Variants in CDH7 observed in about 807,000 individuals in gnomAD.
CDH7 encodes the protein cadherin-7.
In CDH7, 25 loss-of-function variants were observed where a neutral mutation model predicts 71.8. The observed-to-expected ratio is 0.35, with a 90% CI of 0.25 to 0.49. The LOEUF is 0.49. Ranked by LOEUF, CDH7 falls within the 20% of genes least tolerant of loss-of-function variation. The pLI, the probability that CDH7 is intolerant of heterozygous loss-of-function variation, is 0.99. For missense variants in CDH7, 862 were observed against 974.6 expected (o/e 0.88, Z 1.54); for synonymous variants, 381 against 363.8 (o/e 1.05, Z -0.54).
chr18:65,798,308 TTTGACAGCCTTTGCTTCAG>T (rs762391276), intron 2 of CDH7, among the ~76,000 whole-genome samples: 108 of 152,358 alleles, frequency 7.1e-4, no homozygotes, highest in Non-Finnish European at 1.4e-3. Context: ...AATTTTGCCA[TTTGACAGCCTTTGCTTCAG>T]TGGCTTCTTC....
At chr18:65,856,242 T>C (rs932379432) in intron 7 of CDH7, among the ~76,000 whole-genome samples, 3 of 152,142 alleles carry the variant, frequency 2.0e-5, no homozygotes, top group Non-Finnish European at 4.4e-5. Flanking sequence ...ACAAACACAC[T>C]TTCAAATTCC....
intron 5 of CDH7, 59 bp downstream of exon 5, chr18:65,822,307 A>G: frequency 7.4e-7 from 1 of 1,347,668 alleles, no homozygotes; most frequent in Admixed American, 2.0e-5. Context: ...TCTATAAAAT[A>G]CATCTTTAAA....
chr18:65,779,313 T>A (rs1327172569), intron 2 of CDH7, among the ~76,000 whole-genome samples: 1 of 144,350 alleles, frequency 6.9e-6, no homozygotes, highest in South Asian at 2.3e-4. Flanking sequence ...TTTTTTTTTT[T>A]TTATTATACT....
At position 65,853,980 on chromosome 18, in the gene CDH7, G is replaced by A. The variant is rs187895441; in HGVS notation, c.1236-3836G>A. Among the ~76,000 whole-genome samples, 351 of 125,836 alleles carry A rather than the reference G, an allele frequency of 2.8e-3. 3 individuals carry two copies. Among genetic ancestry groups the A allele is most frequent in the African/African-American group, 0.01 (337 of 33,018 alleles). The allele number at this position is 125,836 out of a possible 152,430, so 82.6% of individuals were successfully genotyped here. A position where few individuals can be genotyped will look rare whatever the true frequency, so the allele number is the denominator to read the frequency against. ...ATGCTATTTAGTGAGATCTAAGTGG[G>A]GATTATAGTTATTAACAAATACACA... On this transcript the variant is annotated intron_variant, in intron 7 of 11. Transcript: ENST00000397968.
chr18:65,855,970 A>G (rs927022370), intron 7 of CDH7, among the ~76,000 whole-genome samples: 7 of 152,096 alleles, frequency 4.6e-5, no homozygotes, highest in African/African-American at 1.7e-4. Context: ...AAGAAATTAA[A>G]GAAGAAAAAA....
rs1913499156 is a variant in CDH7 at position 65,859,816 on chromosome 18, G to T, written c.1603G>T (p.Asp535Tyr). ...AAATAACCACAACTTTTCATTGAAA[G>T]ATAACAAAGGTAATGTATTAATATT... is the stretch of plus-strand genomic sequence containing the variant. The part of the protein sequence containing the change: ...ATNNHNFSLK[D>Y]NKDNTASILT... Residue 535 changes from aspartate (D) to tyrosine (Y), a missense_variant, in exon 10 of 12, where the codon GAT (aspartate) becomes TAT (tyrosine). Physicochemically the swap from Asp to Tyr is radical, Grantham distance 160 (BLOSUM62 -3). Coordinates refer to ENST00000397968, the MANE Select transcript of CDH7 (RefSeq NM_004361.5). 1 of 1,562,556 alleles carries T rather than the reference G, an allele frequency of 6.4e-7. No homozygotes were observed. The highest frequency in any genetic ancestry group is 1.7e-5 in the Admixed American group (1 of 59,892).
chr18:65,759,881 TA>T (rs1478480609), intron 1 of CDH7, among the ~76,000 whole-genome samples: 1 of 152,160 alleles, frequency 6.6e-6, no homozygotes, highest in Non-Finnish European at 1.5e-5. Context: ...GTTTGATTTC[TA>T]AAAAATTACA....
intron 7 of CDH7, among the ~76,000 whole-genome samples, chr18:65,854,642 C>T (rs1484711): frequency 0.18 from 27,617 of 152,012 alleles, 2,894 homozygotes; most frequent in Non-Finnish European, 0.24. Context: ...AGTTCAAGGC[C>T]TTTTAGCTTT....
chr18:65,766,885 TAAAA>T (rs61611288), intron 2 of CDH7, among the ~76,000 whole-genome samples: 2 of 88,616 alleles, frequency 2.3e-5, no homozygotes, highest in African/African-American at 6.3e-5. Context: ...CTGTCTGACG[TAAAA>T]AAAAAAAAAA....
intron 2 of CDH7, among the ~76,000 whole-genome samples, chr18:65,771,238 A>G (rs1916532871): frequency 6.6e-6 from 1 of 152,176 alleles, no homozygotes; most frequent in South Asian, 2.1e-4. Flanking sequence ...GCAAATACCT[A>G]AATTCATTAT....
chr18:65,814,702 T>C, intron 4 of CDH7, 98 bp downstream of exon 4: 1 of 1,009,596 alleles, frequency 9.9e-7, no homozygotes. Flanking sequence ...TAACATACCA[T>C]TTTATTATGC....
chr18:65,809,965 T>C lies in CDH7; in HGVS notation c.472T>C (p.Tyr158His). ...TGAACCCAAATTTTTGGATGGCCCATACACGGCAGGAGTTCCCGAAATGTC... is the reference window on the plus strand; with the variant it reads ...TGAACCCAAATTTTTGGATGGCCCACACACGGCAGGAGTTCCCGAAATGTC... ...DNEPKFLDGP[Y>H]TAGVPEMSPV... Residue 158 changes from tyrosine to histidine, a missense_variant, in exon 3 of 12, where the codon TAC (tyrosine) becomes CAC (histidine). Physicochemically the swap from Tyr to His is moderately conservative, Grantham distance 83. Transcript: ENST00000397968. The C allele has an allele frequency of 6.2e-7, 1 of 1,613,658 alleles. No homozygotes were observed. Among genetic ancestry groups the C allele is most frequent in the Non-Finnish European group, 8.5e-7 (1 of 1,179,702 alleles).
In CDH7 at chr18:65,771,680, GA is replaced by G. The variant is rs374519867; in HGVS notation, c.210+8639del. 4.5e-3 allele frequency among the ~76,000 whole-genome samples: 612 copies of G among 136,502 alleles called. 3 individuals carry two copies. Among genetic ancestry groups the G allele is most frequent in the African/African-American group, 0.013 (501 of 37,716 alleles). The allele number at this position is 136,502 out of a possible 152,430, so 89.6% of individuals were successfully genotyped here. On this transcript the variant is annotated intron_variant, in intron 2 of 11. Coordinates refer to ENST00000397968, the MANE Select transcript of CDH7 (RefSeq NM_004361.5). ...TAGAAAGTGAGACTCTGCCTCAAAA[GA>G]AAAAAAAAAACAGTATTAGAAAAAT...
chr18:65,857,654 G>A (rs578163650), intron 7 of CDH7, among the ~76,000 whole-genome samples, 162 bp from the exon 8 acceptor site: 1 of 152,272 alleles, frequency 6.6e-6, no homozygotes, highest in South Asian at 2.1e-4. Context: ...CATCTAATAT[G>A]TGGGGAGAGT....
Position 65,843,971 on chromosome 18 carries a change from T to C in CDH7, c.1141T>C (p.Leu381=), listed in dbSNP as rs1223429144. ...TGAGCCCCCTGTGTTCTCTTCACCCTTGTACCCTATGGAGGTGTCGGAAGC... is the reference window on the plus strand; with the variant it reads ...TGAGCCCCCTGTGTTCTCTTCACCCCTGTACCCTATGGAGGTGTCGGAAGC... The part of the protein sequence containing the change: ...VDEPPVFSSP[L]YPMEVSEATQ... Residue 381 remains leucine (L), a synonymous_variant, in exon 7 of 12, where the codon TTG becomes CTG. Transcript: ENST00000397968. 3 of 1,612,928 alleles carry C rather than the reference T, an allele frequency of 1.9e-6. No homozygotes were observed. The highest frequency in any genetic ancestry group is 2.5e-6 in the Non-Finnish European group (3 of 1,179,334).
At position 65,887,586 on chromosome 18, in the gene CDH7, T is replaced by C. The variant is rs1439594791; in HGVS notation, c.*6692T>C. ...TATGTATTTGTCTTTGAATTTTGTG[T>C]GCGTATGTGTGTGTGTATATATAGA... On this transcript the variant is annotated 3_prime_UTR_variant, in exon 12 of 12. Coordinates refer to ENST00000397968, the MANE Select transcript of CDH7 (RefSeq NM_004361.5). The C allele has an allele frequency of 6.6e-6, 1 of 152,138 alleles. No individual in the cohort carries two copies. Among genetic ancestry groups the C allele is most frequent in the Non-Finnish European group, 1.5e-5 (1 of 68,042 alleles). The allele number at this position is 152,138 out of a possible 1,614,324, so 9.4% of individuals were successfully genotyped here. A position where few individuals can be genotyped will look rare whatever the true frequency, so the allele number is the denominator to read the frequency against.
intron 1 of CDH7, among the ~76,000 whole-genome samples, chr18:65,760,587 G>T (rs1243502914): frequency 1.3e-5 from 2 of 152,138 alleles, no homozygotes; most frequent in African/African-American, 4.8e-5. Flanking sequence ...CTTTAAGAGA[G>T]AATTCATTCT....
intron 5 of CDH7, among the ~76,000 whole-genome samples, chr18:65,822,965 G>T (rs2143939370): frequency 6.6e-6 from 1 of 151,798 alleles, no homozygotes; most frequent in East Asian, 1.9e-4. Flanking sequence ...CTAAGTGTAT[G>T]TGTTATTTCT....
chr18:65,819,203 C>G (rs1911829868), intron 4 of CDH7, among the ~76,000 whole-genome samples: 1 of 151,228 alleles, frequency 6.6e-6, no homozygotes, highest in Non-Finnish European at 1.5e-5. Context: ...TTACTGCCCT[C>G]TTTCCTAGAA....
Sources: gnomAD v4.1 joint callset for allele counts (sites outside exome capture counted in the v4.1 genomes callset) on GRCh38, gnomAD v4.1.1 for gene constraint, MANE v1.5 for transcripts, NCBI Gene and HGNC (gene_info 2026-07-23, HGNC 2026-07-21) for gene names.